Variants in MYOCD observed in about 807,000 individuals in gnomAD.
The protein encoded by MYOCD is myocardin.
Under a neutral mutation model 96.1 loss-of-function variants are expected in MYOCD, and 32 were observed. The ratio of observed to expected loss-of-function variants is 0.33; its 90% CI spans 0.25 to 0.45. The LOEUF is 0.45. Ranked by LOEUF, MYOCD falls within the 20% of genes least tolerant of loss-of-function variation. The pLI, the probability that MYOCD is intolerant of heterozygous loss-of-function variation, is 1.00. For missense variants in MYOCD, 1,133 were observed against 1,200.6 expected (o/e 0.94, Z 0.83); for synonymous variants, 469 against 469.0 (o/e 1.00, Z 0.00).
At position 12,767,219 on chromosome 17, in the gene MYOCD, C is replaced by T. The variant is rs1270744092; in HGVS notation, c.*3575C>T. The T allele has an allele frequency of 1.3e-5, 2 of 152,046 alleles. No homozygotes were observed. Among genetic ancestry groups the T allele is most frequent in the East Asian group, 1.9e-4 (1 of 5,176 alleles). 9.4% of individuals were successfully genotyped at this position (152,046 alleles called of 1,614,324 possible). ...TAATTGTACCAGTAATTGAGGAAAC[C>T]AAGACAATCTTCACCTGAATAATAG... On this transcript the variant is annotated 3_prime_UTR_variant, in exon 14 of 14. Coordinates refer to ENST00000425538, the MANE Select transcript of MYOCD (RefSeq NM_001146312.3).
intron 1 of MYOCD, among the ~76,000 whole-genome samples, chr17:12,680,604 C>G (rs957634509): frequency 2.6e-5 from 4 of 152,224 alleles, no homozygotes; most frequent in Admixed American, 6.5e-5. Flanking sequence ...CGGCCCCGGG[C>G]GTGTGTGCGC....
chr17:12,708,642 C>G (rs1043848456), intron 2 of MYOCD, among the ~76,000 whole-genome samples: 2 of 152,126 alleles, frequency 1.3e-5, no homozygotes, highest in African/African-American at 4.8e-5. Flanking sequence ...CCACCCACCT[C>G]GGGTTCCCAA....
intron 1 of MYOCD, among the ~76,000 whole-genome samples, chr17:12,704,443 CTTATA>C: frequency 6.6e-6 from 1 of 152,148 alleles, no homozygotes; most frequent in Admixed American, 6.5e-5. Context: ...TGGGAACATA[CTTATA>C]TTTATTTATA....
At chr17:12,668,378 C>T (rs890071045) in intron 1 of MYOCD, among the ~76,000 whole-genome samples, 5 of 152,168 alleles carry the variant, frequency 3.3e-5, no homozygotes, top group African/African-American at 1.2e-4. Flanking sequence ...AAACATATTT[C>T]AAAAAATAAA....
chr17:12,765,155 T>C lies in MYOCD; in HGVS notation c.*1511T>C, dbSNP rs2033302484. 1 of 152,136 alleles carries C rather than the reference T, an allele frequency of 6.6e-6. No individual in the cohort carries two copies. Among genetic ancestry groups the C allele is most frequent in the Non-Finnish European group, 1.5e-5 (1 of 68,028 alleles). 9.4% of individuals were successfully genotyped at this position (152,136 alleles called of 1,614,324 possible). A position where few individuals can be genotyped will look rare whatever the true frequency, so the allele number is the denominator to read the frequency against. ...CATTCCTCATTACCTCTCGTGGCTT[T>C]GGCTGGGAGTTGGAAAAAGCTAAAA... On this transcript the variant is annotated 3_prime_UTR_variant, in exon 14 of 14. Transcript: ENST00000425538.
rs148120156 is a variant in MYOCD, at chr17:12,741,840, G to A, written c.718-2343G>A. 3.3e-3 allele frequency among the ~76,000 whole-genome samples: 506 copies of A among 152,080 alleles called. 2 individuals are homozygous for A. The highest frequency in any genetic ancestry group is 0.011 in the African/African-American group (455 of 41,498). ...TTCTTACAGACACCCAGCTGGTCCC[G>A]GCAGGCTGGTTGTTTGTAGAAGAGC... On this transcript the variant is annotated intron_variant, in intron 7 of 13. Transcript: ENST00000425538.
chr17:12,733,874 G>A (rs7210119), intron 5 of MYOCD, among the ~76,000 whole-genome samples: 60,498 of 140,260 alleles, frequency 0.43, 13,903 homozygotes, highest in East Asian at 0.66. Context: ...TCAAAAAAAA[G>A]AAAAAAGAAA....
At chr17:12,723,187 C>G (rs1388461119) in intron 5 of MYOCD, among the ~76,000 whole-genome samples, 179 bp downstream of exon 5, 1 of 152,100 alleles carries the variant, frequency 6.6e-6, no homozygotes, top group Admixed American at 6.6e-5. Context: ...GTTGCAATCC[C>G]CATTCTTGTA....
At chr17:12,702,721 G>T (rs1231318485) in intron 1 of MYOCD, among the ~76,000 whole-genome samples, 1 of 151,124 alleles carries the variant, frequency 6.6e-6, no homozygotes, top group African/African-American at 2.4e-5. Flanking sequence ...TTTATTATTG[G>T]TTACAATATA....
chr17:12,745,632 G>GTGTGTTTGGCCTCCCCAGGAC (rs1301990086), intron 8 of MYOCD, among the ~76,000 whole-genome samples: 2 of 152,188 alleles, frequency 1.3e-5, no homozygotes, highest in Non-Finnish European at 2.9e-5. Context: ...GCTTCACCAG[G>GTGTGTTTGGCCTCCCCAGGAC]TGTGTTTGGC....
intron 1 of MYOCD, among the ~76,000 whole-genome samples, chr17:12,702,394 C>T (rs9889694): frequency 0.47 from 71,437 of 151,702 alleles, 18,674 homozygotes; most frequent in African/African-American, 0.72. Context: ...GTATGGTATA[C>T]CTTTTTTCCA....
intron 1 of MYOCD, among the ~76,000 whole-genome samples, chr17:12,689,394 T>G (rs1198855565): frequency 2.0e-5 from 3 of 152,238 alleles, no homozygotes; most frequent in South Asian, 2.1e-4. Flanking sequence ...AAACCTAGTC[T>G]GACACCAAAC....
At chr17:12,713,502 G>A (rs1031968140) in intron 2 of MYOCD, among the ~76,000 whole-genome samples, 2 of 152,166 alleles carry the variant, frequency 1.3e-5, no homozygotes, top group African/African-American at 4.8e-5. Flanking sequence ...AAAAGGGCAT[G>A]TTATTCTTTT....
intron 4 of MYOCD, among the ~76,000 whole-genome samples, 193 bp from the exon 5 acceptor site, chr17:12,722,654 G>A (rs949294727): frequency 5.9e-5 from 9 of 152,120 alleles, no homozygotes; most frequent in Admixed American, 2.6e-4. Context: ...TGTGCCTCTC[G>A]ATTTGCCTTT....
At chr17:12,698,860 AG>A (rs2030915053) in intron 1 of MYOCD, among the ~76,000 whole-genome samples, 1 of 145,686 alleles carries the variant, frequency 6.9e-6, no homozygotes, top group Non-Finnish European at 1.5e-5. Flanking sequence ...CTCCTGCCTC[AG>A]CCTCCCGAGT....
At chr17:12,677,658 G>C (rs1434136916) in intron 1 of MYOCD, among the ~76,000 whole-genome samples, 2 of 151,152 alleles carry the variant, frequency 1.3e-5, no homozygotes, top group Non-Finnish European at 2.9e-5. Context: ...CTTGCAGTGA[G>C]CCGAGATCAC....
At chr17:12,708,455 G>C (rs539347657) in intron 2 of MYOCD, among the ~76,000 whole-genome samples, 2 of 151,686 alleles carry the variant, frequency 1.3e-5, no homozygotes, top group African/African-American at 4.9e-5. Flanking sequence ...GTGCAGTAGC[G>C]TGATCTCGGC....
At position 12,752,655 on chromosome 17, in the gene MYOCD, C is replaced by G. The variant is rs1369886655; in HGVS notation, c.1367C>G (p.Pro456Arg). The G allele has an allele frequency of 1.2e-6, 2 of 1,614,036 alleles. No individual in the cohort carries two copies. Among genetic ancestry groups the G allele is most frequent in the Non-Finnish European group, 1.7e-6 (2 of 1,179,956 alleles). Residue 456 changes from proline (P) to arginine (R), a missense_variant, in exon 10 of 14, where the codon CCC (proline) becomes CGC (arginine). Transcript: ENST00000425538. ...FYHFGSTSSS[P>R]PISPASSDLS... ...CACTTTGGCAGCACCAGCTCCAGCCCCCCGATCTCCCCAGCCTCCTCTGAC... is the reference window on the plus strand; with the variant it reads ...CACTTTGGCAGCACCAGCTCCAGCCGCCCGATCTCCCCAGCCTCCTCTGAC...
intron 9 of MYOCD, among the ~76,000 whole-genome samples, chr17:12,747,425 T>G (rs2032699105): frequency 6.6e-6 from 1 of 152,036 alleles, no homozygotes; most frequent in Non-Finnish European, 1.5e-5. Flanking sequence ...TCATTCAGTT[T>G]GGGAAAGTCA....
Sources: allele counts gnomAD v4.1 joint callset (sites outside exome capture counted in the v4.1 genomes callset), GRCh38; gene constraint gnomAD v4.1.1; transcripts MANE v1.5; gene names NCBI Gene and HGNC (gene_info 2026-07-23, HGNC 2026-07-21).